The following PPM1L variants were observed in gnomAD, a reference collection of about 807,000 sequenced individuals.
The protein encoded by PPM1L is protein phosphatase 1L.
A neutral mutation model predicts 31.4 loss-of-function variants in PPM1L; 13 were observed. The observed-to-expected ratio is 0.41, with a 90% CI of 0.27 to 0.66. The LOEUF (loss-of-function observed/expected upper bound fraction) is 0.66. Among genes scored for constraint, PPM1L ranks in the 30% least tolerant of loss-of-function variants. The probability of loss-of-function intolerance (pLI) is 0.29; values close to 1 mark genes in which losing one functional copy is unlikely to be tolerated. For missense variants in PPM1L, 326 were observed against 453.7 expected, an observed-to-expected ratio of 0.72 and a Z score of 2.56; for synonymous variants, 184 against 175.4, an observed-to-expected ratio of 1.05 and a Z score of -0.39.
chr3:160,848,117 G>A (rs745445415), intron 1 of PPM1L, among the ~76,000 whole-genome samples: 12 of 152,072 alleles, frequency 7.9e-5, no homozygotes, highest in South Asian at 2.1e-4. Flanking sequence ...TATTGCTCCC[G>A]ACACATAGTA....
intron 1 of PPM1L, among the ~76,000 whole-genome samples, chr3:160,945,958 A>G (rs1293098313): frequency 6.6e-6 from 1 of 152,184 alleles, no homozygotes; most frequent in Non-Finnish European, 1.5e-5. Context: ...ATATGTATTA[A>G]TCAACTATTT....
chr3:160,781,461 A>T (rs1419629441), intron 1 of PPM1L, among the ~76,000 whole-genome samples: 1 of 152,186 alleles, frequency 6.6e-6, no homozygotes, highest in East Asian at 1.9e-4. Context: ...AGTCCATGGA[A>T]ACCAAAAAGT....
At chr3:160,873,968 T>C (rs1712410739) in intron 1 of PPM1L, among the ~76,000 whole-genome samples, 1 of 152,190 alleles carries the variant, frequency 6.6e-6, no homozygotes, top group Admixed American at 6.5e-5. Flanking sequence ...GGTATGGTCT[T>C]TTATATCAAA....
chr3:160,759,774 A>G (rs1714920163), intron 1 of PPM1L, among the ~76,000 whole-genome samples: 1 of 152,202 alleles, frequency 6.6e-6, no homozygotes, highest in South Asian at 2.1e-4. Context: ...CTTCAAGATT[A>G]GCAGCATAGG....
rs566912138 is a variant in PPM1L at position 160,950,909 on chromosome 3, T to C, written c.400-10827T>C. Among the ~76,000 whole-genome samples, 274 of 152,330 alleles carry C rather than the reference T, an allele frequency of 1.8e-3. 1 individual carries two copies. The highest frequency in any genetic ancestry group is 6.8e-3 in the Middle Eastern group (2 of 294). On this transcript the variant is annotated intron_variant, in intron 1 of 3. Transcript: ENST00000498165. ...TACATTTGGATAGCACTAATGGAAGTTAATATTTCTCCAAGCTCTATAGCC... is the reference window on the plus strand; with the variant it reads ...TACATTTGGATAGCACTAATGGAAGCTAATATTTCTCCAAGCTCTATAGCC...
chr3:160,785,022 C>T (rs989791221), intron 1 of PPM1L, among the ~76,000 whole-genome samples: 2 of 152,160 alleles, frequency 1.3e-5, no homozygotes, highest in African/African-American at 4.8e-5. Context: ...GCCTTTGGCA[C>T]ACCCAGTAAA....
intron 1 of PPM1L, among the ~76,000 whole-genome samples, chr3:160,960,588 G>A (rs978042482): frequency 4.0e-5 from 6 of 150,422 alleles, no homozygotes; most frequent in Non-Finnish European, 8.9e-5. Context: ...GTGTGTGTGT[G>A]TGTGTGTGTG....
At chr3:161,048,838 C>T (rs1373072824) in intron 2 of PPM1L, among the ~76,000 whole-genome samples, 2 of 148,412 alleles carry the variant, frequency 1.3e-5, no homozygotes, top group South Asian at 2.1e-4. Flanking sequence ...GGACAAAAAA[C>T]CAAACACTGC....
At chr3:161,057,751 T>G (rs959645064) in intron 2 of PPM1L, among the ~76,000 whole-genome samples, 5 of 152,048 alleles carry the variant, frequency 3.3e-5, no homozygotes, top group African/African-American at 1.2e-4. Context: ...CCTGAGCACG[T>G]GTTCTCCCAT....
In PPM1L at chr3:160,771,113, AT is replaced by A. The variant is rs1240230037; in HGVS notation, c.399+14411del. On this transcript the variant is annotated intron_variant, in intron 1 of 3. Coordinates refer to ENST00000498165, the MANE Select transcript of PPM1L (RefSeq NM_139245.4). ...AATAAAGTATATGTATGTAAAATAT[AT>A]TTTTATAGTGTTTTAAATGATATAG... Among the ~76,000 whole-genome samples, 15 of 152,188 alleles carry A rather than the reference AT, an allele frequency of 9.9e-5. No individual in the cohort carries two copies. The East Asian group carries it at 1.2e-3, about 12-fold the overall frequency.
chr3:160,818,265 G>A lies in PPM1L; in HGVS notation c.399+61558G>A, dbSNP rs564554932. Among the ~76,000 whole-genome samples, 11 of 152,128 alleles carry A rather than the reference G, an allele frequency of 7.2e-5. No homozygotes were observed. The South Asian group carries it at 2.3e-3, about 32-fold the overall frequency. On this transcript the variant is annotated intron_variant, in intron 1 of 3. Transcript: ENST00000498165. ...CCAAACTACAGCTTGAGAAAGGTTA[G>A]TGGTGAAGTTGAAACCAGCGTAAAC...
intron 1 of PPM1L, among the ~76,000 whole-genome samples, chr3:160,847,865 GATC>G (rs1446821129): frequency 6.6e-6 from 1 of 152,092 alleles, no homozygotes; most frequent in Non-Finnish European, 1.5e-5. Context: ...CAGACTATCA[GATC>G]ACCACTCCTT....
At chr3:160,986,272 T>G (rs1716961807) in intron 2 of PPM1L, among the ~76,000 whole-genome samples, 1 of 152,082 alleles carries the variant, frequency 6.6e-6, no homozygotes, top group Admixed American at 6.6e-5. Context: ...CAGGAGATGC[T>G]GGAGAATGAA....
rs937612031 is a variant in PPM1L, at chr3:161,069,261, C to G, written c.*104C>G. The G allele has an allele frequency of 2.3e-6, 2 of 873,890 alleles. No homozygotes were observed. The highest frequency in any genetic ancestry group is 1.8e-5 in the South Asian group (1 of 55,540). The allele number at this position is 873,890 out of a possible 1,614,324, so 54.1% of individuals were successfully genotyped here. A position where few individuals can be genotyped will look rare whatever the true frequency, so the allele number is the denominator to read the frequency against. Reference sequence around the variant, plus strand: ...GAGTTGTAATTAGGATCATCCACCCCAGACATGGAATCCCCCCTCCCTGGT... The same window carrying G: ...GAGTTGTAATTAGGATCATCCACCCGAGACATGGAATCCCCCCTCCCTGGT... On this transcript the variant is annotated 3_prime_UTR_variant, in exon 4 of 4. Transcript: ENST00000498165.
At chr3:160,965,017 C>T (rs1056914179) in intron 2 of PPM1L, among the ~76,000 whole-genome samples, 3 of 151,794 alleles carry the variant, frequency 2.0e-5, no homozygotes, top group Non-Finnish European at 2.9e-5. Flanking sequence ...TTTGGGAGGC[C>T]GAGGTGGGCG....
intron 1 of PPM1L, among the ~76,000 whole-genome samples, chr3:160,834,206 G>A (rs1713620742): frequency 6.6e-6 from 1 of 151,788 alleles, no homozygotes; most frequent in African/African-American, 2.4e-5. Context: ...TGTATTTTTA[G>A]TAGAGATGGG....
chr3:160,873,296 A>G (rs1042650475), intron 1 of PPM1L, among the ~76,000 whole-genome samples: 72 of 152,232 alleles, frequency 4.7e-4, no homozygotes, highest in African/African-American at 1.7e-3. Flanking sequence ...TCTGTAAACA[A>G]TATTAATGGC....
At chr3:160,977,185 A>G (rs1716618633) in intron 2 of PPM1L, among the ~76,000 whole-genome samples, 1 of 152,000 alleles carries the variant, frequency 6.6e-6, no homozygotes, top group Non-Finnish European at 1.5e-5. Flanking sequence ...TTAGTTGATA[A>G]GTTTGTCTCA....
intron 1 of PPM1L, chr3:160,842,386 G>T: frequency 1.5e-6 from 1 of 689,542 alleles, no homozygotes; most frequent in South Asian, 1.5e-5. Context: ...AATTCAAATT[G>T]GGAGGGGCTT....
Sources: allele counts gnomAD v4.1 joint callset (sites outside exome capture counted in the v4.1 genomes callset), GRCh38; gene constraint gnomAD v4.1.1; transcripts MANE v1.5; gene names NCBI Gene and HGNC (gene_info 2026-07-23, HGNC 2026-07-21).